Variants in APP observed in about 807,000 individuals in gnomAD.
APP encodes amyloid-beta precursor protein.
A neutral mutation model predicts 101.4 loss-of-function variants in APP; 31 were observed. That is an observed-to-expected ratio of 0.31 (90% CI 0.23 to 0.41). The LOEUF is 0.41. Ranked by LOEUF, APP falls within the 10% of genes least tolerant of loss-of-function variation. The pLI, the probability that APP is intolerant of heterozygous loss-of-function variation, is 1.00. For missense variants in APP, 839 were observed against 1,003.7 expected (o/e 0.84, Z 2.22); for synonymous variants, 366 against 364.4 (o/e 1.00, Z -0.05).
intron 1 of APP, among the ~76,000 whole-genome samples, chr21:26,168,054 C>G (rs1300910938): frequency 6.6e-6 from 1 of 151,900 alleles, no homozygotes; most frequent in African/African-American, 2.4e-5. Flanking sequence ...TAGGTTAAAC[C>G]CTCAACAGAG....
At chr21:26,066,642 T>C (rs895741378) in intron 3 of APP, among the ~76,000 whole-genome samples, 1 of 152,160 alleles carries the variant, frequency 6.6e-6, no homozygotes, top group Non-Finnish European at 1.5e-5. Context: ...CTGTGTCCTT[T>C]TAAAAAATAA....
At chr21:26,147,222 C>A (rs2063172558) in intron 1 of APP, among the ~76,000 whole-genome samples, 1 of 152,146 alleles carries the variant, frequency 6.6e-6, no homozygotes, top group South Asian at 2.1e-4. Context: ...TGCAGAACTC[C>A]TTCCCAAAGA....
At chr21:26,066,283 T>C (rs2046450705) in intron 3 of APP, among the ~76,000 whole-genome samples, 1 of 152,102 alleles carries the variant, frequency 6.6e-6, no homozygotes, top group Non-Finnish European at 1.5e-5. Flanking sequence ...CTCATTAAGG[T>C]TTTTAAAAAT....
At chr21:25,930,758 T>C (rs1386700532) in intron 13 of APP, among the ~76,000 whole-genome samples, 6 of 152,220 alleles carry the variant, frequency 3.9e-5, no homozygotes, top group Admixed American at 3.9e-4. Flanking sequence ...GTGTTTTCTT[T>C]AACACAAAAC....
chr21:25,987,781 C>T (rs538349753), intron 8 of APP, among the ~76,000 whole-genome samples: 2 of 152,250 alleles, frequency 1.3e-5, no homozygotes, highest in Non-Finnish European at 2.9e-5. Context: ...GCCTTTAGTG[C>T]GCCTGTTCAT....
At chr21:25,937,262 T>G (rs1321309208) in intron 13 of APP, among the ~76,000 whole-genome samples, 2 of 152,186 alleles carry the variant, frequency 1.3e-5, no homozygotes, top group African/African-American at 4.8e-5. Flanking sequence ...AGGATATACT[T>G]TAAGAAACAA....
At chr21:25,991,508 G>A (rs1406396048) in intron 8 of APP, among the ~76,000 whole-genome samples, 1 of 152,100 alleles carries the variant, frequency 6.6e-6, no homozygotes, top group Non-Finnish European at 1.5e-5. Flanking sequence ...CTCCTGAGTA[G>A]GTGGGATTAC....
In APP at chr21:26,140,332, G is replaced by A. The variant is rs1038101302; in HGVS notation, c.58-28186C>T. 14 of 1,523,000 alleles carry A rather than the reference G, an allele frequency of 9.2e-6. No individual in the cohort carries two copies. The African/African-American group carries it at 1.1e-4, about 12-fold the overall frequency. The allele number at this position is 1,523,000 out of a possible 1,614,324, so 94.3% of individuals were successfully genotyped here. On this transcript the variant is annotated intron_variant, in intron 1 of 17. Coordinates refer to ENST00000346798, the MANE Select transcript of APP (RefSeq NM_000484.4). ...AGAGCTTCCATCCTCGGGAGGGTGA[G>A]TCAACAGCATGTCAACACTAACCCA...
chr21:25,945,847 C>T, intron 13 of APP: 1 of 453,210 alleles, frequency 2.2e-6, no homozygotes, highest in Non-Finnish European at 4.4e-6. Flanking sequence ...TGTTATCATG[C>T]CTGGATAATT....
intron 1 of APP, among the ~76,000 whole-genome samples, chr21:26,137,791 T>C (rs2062952781): frequency 6.6e-6 from 1 of 152,056 alleles, no homozygotes; most frequent in Non-Finnish European, 1.5e-5. Context: ...ATAAAAATAT[T>C]CTGGTTACTC....
chr21:26,119,800 T>C (rs2062524357), intron 1 of APP, among the ~76,000 whole-genome samples: 1 of 152,208 alleles, frequency 6.6e-6, no homozygotes, highest in Non-Finnish European at 1.5e-5. Context: ...TAAGTCCATG[T>C]TGCTAACAAG....
intron 1 of APP, among the ~76,000 whole-genome samples, chr21:26,155,392 G>C (rs953794733): frequency 2.0e-5 from 3 of 152,192 alleles, no homozygotes; most frequent in Non-Finnish European, 4.4e-5. Context: ...ATAACATTTT[G>C]AATTTAGTGA....
Position 25,881,591 on chromosome 21 carries a change from AT to A in APP, c.*78del. Reference sequence around the variant, plus strand: ...ATAAAACGGGTTTGTTTCTTCCCACATTATTCTATAAATGGACACCGATGGG... The same window carrying A: ...ATAAAACGGGTTTGTTTCTTCCCACATATTCTATAAATGGACACCGATGGG... On this transcript the variant is annotated 3_prime_UTR_variant, in exon 18 of 18. Transcript: ENST00000346798. The A allele has an allele frequency of 6.7e-7, 1 of 1,492,686 alleles. No homozygotes were observed. The highest frequency in any genetic ancestry group is 9.3e-7 in the Non-Finnish European group (1 of 1,071,920). The allele number at this position is 1,492,686 out of a possible 1,614,324, so 92.5% of individuals were successfully genotyped here. A position where few individuals can be genotyped will look rare whatever the true frequency, so the allele number is the denominator to read the frequency against.
intron 3 of APP, among the ~76,000 whole-genome samples, chr21:26,058,204 G>A (rs45619943): frequency 6.6e-6 from 1 of 152,290 alleles, no homozygotes; most frequent in East Asian, 1.9e-4. Flanking sequence ...CAGAAGGCAG[G>A]AGAAACAAGA....
chr21:26,053,982 A>G (rs571355686), intron 3 of APP, among the ~76,000 whole-genome samples: 1 of 152,350 alleles, frequency 6.6e-6, no homozygotes, highest in Admixed American at 6.5e-5. Context: ...ATATAAAGAT[A>G]TTACATAAAG....
rs371593916 is a variant in APP, at chr21:25,912,607, C to T, written c.1688-645G>A. On this transcript the variant is annotated intron_variant, in intron 13 of 17. Transcript: ENST00000346798. ...TTCCAGATGTAGCCCTGCAGACAGACATCCAGCCTTCTCTGGACTTAACCA... is the reference window on the plus strand; with the variant it reads ...TTCCAGATGTAGCCCTGCAGACAGATATCCAGCCTTCTCTGGACTTAACCA... Among the ~76,000 whole-genome samples, 10 of 152,290 alleles carry T rather than the reference C, an allele frequency of 6.6e-5. No homozygotes were observed. The South Asian group carries it at 1.9e-3, about 28-fold the overall frequency.
chr21:25,915,725 G>A (rs981307746), intron 13 of APP, among the ~76,000 whole-genome samples: 9 of 152,218 alleles, frequency 5.9e-5, no homozygotes, highest in African/African-American at 1.9e-4. Context: ...AAAGGCAGAG[G>A]AGCAAAAGAT....
chr21:26,005,895 CTG>C (rs1164411087), intron 6 of APP, among the ~76,000 whole-genome samples: 2 of 152,010 alleles, frequency 1.3e-5, no homozygotes, highest in Non-Finnish European at 2.9e-5. Flanking sequence ...AATAAGATTC[CTG>C]TGAAAATTAA....
At chr21:25,996,308 T>C (rs140399691) in intron 8 of APP, among the ~76,000 whole-genome samples, 1 of 152,318 alleles carries the variant, frequency 6.6e-6, no homozygotes, top group East Asian at 1.9e-4. Flanking sequence ...AAAGAGGGGT[T>C]CCTAATGTCT....
Sources: gnomAD v4.1 joint callset for allele counts (sites outside exome capture counted in the v4.1 genomes callset) on GRCh38, gnomAD v4.1.1 for gene constraint, MANE v1.5 for transcripts, NCBI Gene and HGNC (gene_info 2026-07-23, HGNC 2026-07-21) for gene names.